Variants in SLC16A10 observed in about 807,000 individuals in gnomAD.
SLC16A10 encodes the protein solute carrier family 16 member 10.
Under a neutral mutation model 40.0 loss-of-function variants are expected in SLC16A10, and 27 were observed. The observed-to-expected ratio is 0.67, with a 90% CI of 0.50 to 0.93. SLC16A10 has a LOEUF of 0.93. SLC16A10 is among the 40% of genes least tolerant of loss of function. SLC16A10 has a pLI of 0.00. For missense variants in SLC16A10, 529 were observed against 658.2 expected (o/e 0.80, Z 2.15); for synonymous variants, 213 against 249.8 (o/e 0.85, Z 1.39).
At chr6:111,175,173 C>T (rs1012195626) in intron 2 of SLC16A10, among the ~76,000 whole-genome samples, 2 of 152,178 alleles carry the variant, frequency 1.3e-5, no homozygotes, top group African/African-American at 4.8e-5. Context: ...CACCCATGTC[C>T]CTTCTCTGAA....
intron 1 of SLC16A10, among the ~76,000 whole-genome samples, chr6:111,095,053 TAA>T (rs1344668675): frequency 3.3e-5 from 5 of 152,224 alleles, no homozygotes; most frequent in Non-Finnish European, 7.3e-5. Context: ...TTTTTCTGTT[TAA>T]ATGCCCAGTG....
At chr6:111,150,105 G>A (rs535889573) in intron 1 of SLC16A10, among the ~76,000 whole-genome samples, 2 of 152,360 alleles carry the variant, frequency 1.3e-5, no homozygotes, top group African/African-American at 4.8e-5. Context: ...GTGTTAAGAA[G>A]TGGGACCTTT....
chr6:111,205,288 C>T (rs747105103), intron 3 of SLC16A10, among the ~76,000 whole-genome samples: 1 of 152,126 alleles, frequency 6.6e-6, no homozygotes. Context: ...TATGCACTGC[C>T]ACATGGGCAC....
At chr6:111,180,240 G>A (rs150373682) in intron 3 of SLC16A10, among the ~76,000 whole-genome samples, 11 of 152,262 alleles carry the variant, frequency 7.2e-5, no homozygotes, top group East Asian at 3.9e-4. Flanking sequence ...ACTAAGGCCC[G>A]GAAAGATTAA....
intron 4 of SLC16A10, among the ~76,000 whole-genome samples, chr6:111,212,707 T>G (rs1773363404): frequency 1.3e-5 from 2 of 151,836 alleles, no homozygotes; most frequent in Admixed American, 6.6e-5. Context: ...ATGGGAAGAT[T>G]GCTTGAGCTG....
chr6:111,182,051 T>A (rs1171567328), intron 3 of SLC16A10, among the ~76,000 whole-genome samples: 1 of 151,970 alleles, frequency 6.6e-6, no homozygotes, highest in Non-Finnish European at 1.5e-5. Flanking sequence ...CAGGCTGGAG[T>A]GCAGTGGTGC....
At chr6:111,213,902 G>T (rs1242374559) in intron 4 of SLC16A10, among the ~76,000 whole-genome samples, 2 of 152,230 alleles carry the variant, frequency 1.3e-5, no homozygotes, top group Non-Finnish European at 2.9e-5. Flanking sequence ...GGTTCTGAAA[G>T]TCTGGAGACT....
At chr6:111,199,530 A>T (rs779651992) in intron 3 of SLC16A10, among the ~76,000 whole-genome samples, 3 of 152,120 alleles carry the variant, frequency 2.0e-5, no homozygotes, top group Non-Finnish European at 4.4e-5. Context: ...TAAACCTTTC[A>T]TTGTTCAGGA....
At position 111,140,921 on chromosome 6, in the gene SLC16A10, G is replaced by A. The variant is rs552657899; in HGVS notation, c.344-31774G>A. Among the ~76,000 whole-genome samples the A allele has an allele frequency of 2.4e-3, 362 of 152,208 alleles. 3 individuals carry two copies. Among genetic ancestry groups the A allele is most frequent in the African/African-American group, 8.6e-3 (356 of 41,548 alleles). Reference sequence around the variant, plus strand: ...CCGCCTCAGCCTCCCAAGTGGTTGGGACTACAGACATGTGCCACCAAATCC... The same window carrying A: ...CCGCCTCAGCCTCCCAAGTGGTTGGAACTACAGACATGTGCCACCAAATCC... On this transcript the variant is annotated intron_variant, in intron 1 of 5. Coordinates refer to ENST00000368851, the MANE Select transcript of SLC16A10 (RefSeq NM_018593.5).
chr6:111,220,644 CCTT>C (rs1770872476), intron 5 of SLC16A10, among the ~76,000 whole-genome samples: 1 of 152,334 alleles, frequency 6.6e-6, no homozygotes, highest in Non-Finnish European at 1.5e-5. Flanking sequence ...ACCCTCCATT[CCTT>C]CTTCTCTCCC....
At chr6:111,125,865 G>A (rs750290373) in intron 1 of SLC16A10, among the ~76,000 whole-genome samples, 16 of 152,114 alleles carry the variant, frequency 1.1e-4, no homozygotes, top group Non-Finnish European at 1.9e-4. Context: ...AGATTGACTA[G>A]ATCAAACAGG....
At chr6:111,207,385 T>C (rs895201945) in intron 4 of SLC16A10, among the ~76,000 whole-genome samples, 8 of 152,348 alleles carry the variant, frequency 5.3e-5, no homozygotes, top group Admixed American at 3.3e-4. Context: ...TCAGCTTCTT[T>C]ACTGCAAATT....
At chr6:111,109,343 A>G (rs1163917423) in intron 1 of SLC16A10, among the ~76,000 whole-genome samples, 1 of 151,760 alleles carries the variant, frequency 6.6e-6, no homozygotes, top group Non-Finnish European at 1.5e-5. Context: ...TTTCTTTTGT[A>G]TCTGTTTTTC....
chr6:111,184,235 T>C (rs566339110), intron 3 of SLC16A10, among the ~76,000 whole-genome samples: 29 of 152,324 alleles, frequency 1.9e-4, no homozygotes, highest in Admixed American at 5.2e-4. Context: ...TAGATCCACA[T>C]GGTTCTCTGT....
In SLC16A10 at chr6:111,222,418, TCCATG is replaced by T; in HGVS notation, c.*184_*188del. The T allele has an allele frequency of 5.9e-6, 4 of 672,990 alleles. No individual in the cohort carries two copies. The highest frequency in any genetic ancestry group is 9.0e-6 in the Non-Finnish European group (4 of 445,894). The allele number at this position is 672,990 out of a possible 1,614,324, so 41.7% of individuals were successfully genotyped here. A position where few individuals can be genotyped will look rare whatever the true frequency, so the allele number is the denominator to read the frequency against. ...TCTGCCACTAAATATCTCTGATGTTTCCATGAGTCTGAGGGCAGAGACTCTGGTAT... is the reference window on the plus strand; with the variant it reads ...TCTGCCACTAAATATCTCTGATGTTTAGTCTGAGGGCAGAGACTCTGGTAT... On this transcript the variant is annotated 3_prime_UTR_variant, in exon 6 of 6. Coordinates refer to ENST00000368851, the MANE Select transcript of SLC16A10 (RefSeq NM_018593.5).
chr6:111,179,777 C>A (rs1039502376), intron 3 of SLC16A10, among the ~76,000 whole-genome samples: 2 of 152,166 alleles, frequency 1.3e-5, no homozygotes, highest in Non-Finnish European at 2.9e-5. Flanking sequence ...TGACATTGTT[C>A]ATTTGAGATT....
At chr6:111,145,425 G>A (rs913212161) in intron 1 of SLC16A10, among the ~76,000 whole-genome samples, 3 of 152,116 alleles carry the variant, frequency 2.0e-5, no homozygotes, top group Non-Finnish European at 4.4e-5. Context: ...GATAATATAT[G>A]TCGTAGTTTT....
chr6:111,164,542 C>G (rs1245790042), intron 1 of SLC16A10, among the ~76,000 whole-genome samples: 3 of 152,000 alleles, frequency 2.0e-5, no homozygotes, highest in African/African-American at 7.2e-5. Context: ...GGTGGATCAC[C>G]TGAGGTCAGG....
Position 111,229,994 on chromosome 6 carries a change from T to TTTTTTTC in SLC16A10, c.*7765_*7766insCTTTTTT, listed in dbSNP as rs1771080816. The TTTTTTTC allele has an allele frequency of 7.8e-6, 1 of 128,666 alleles. No homozygotes were observed. The highest frequency in any genetic ancestry group is 8.1e-5 in the Admixed American group (1 of 12,390). 8.0% of individuals were successfully genotyped at this position (128,666 alleles called of 1,614,324 possible). Reference sequence around the variant, plus strand: ...TTTCTTTTTCTTTCTTTGTTTCTTTTTTTTTTTTTTTTTTGAGATGGAGTC... The same window carrying TTTTTTTC: ...TTTCTTTTTCTTTCTTTGTTTCTTTTTTTTTTCTTTTTTTTTTTTTTGAGATGGAGTC... On this transcript the variant is annotated 3_prime_UTR_variant, in exon 6 of 6. Coordinates refer to ENST00000368851, the MANE Select transcript of SLC16A10 (RefSeq NM_018593.5).
Sources: allele counts gnomAD v4.1 joint callset (sites outside exome capture counted in the v4.1 genomes callset), GRCh38; gene constraint gnomAD v4.1.1; transcripts MANE v1.5; gene names NCBI Gene and HGNC (gene_info 2026-07-23, HGNC 2026-07-21).